The following MAPKAP1 variants were observed in gnomAD, a reference collection of about 807,000 sequenced individuals.
The protein encoded by MAPKAP1 is target of rapamycin complex 2 subunit MAPKAP1.
MAPKAP1 carries 20 observed loss-of-function variants against 65.7 expected under a neutral mutation model. The observed-to-expected ratio is 0.30, with a 90% CI of 0.21 to 0.44. The LOEUF is 0.44. Ranked by LOEUF, MAPKAP1 falls within the 20% of genes least tolerant of loss-of-function variation. The pLI is 1.00. For synonymous variants in MAPKAP1, 222 were observed against 244.3 expected (o/e 0.91, Z 0.85); for missense variants, 423 against 648.0 (o/e 0.65, Z 3.77).
At chr9:125,643,884 A>C (rs1833649796) in intron 4 of MAPKAP1, among the ~76,000 whole-genome samples, 1 of 152,232 alleles carries the variant, frequency 6.6e-6, no homozygotes, top group South Asian at 2.1e-4. Flanking sequence ...GTGAAAGGCA[A>C]ACAATTCTAT....
chr9:125,607,535 C>T lies in MAPKAP1; in HGVS notation c.499-21808G>A, dbSNP rs1034801039. Among the ~76,000 whole-genome samples the T allele has an allele frequency of 2.0e-5, 3 of 152,348 alleles. No individual in the cohort carries two copies. In the South Asian group the frequency reaches 6.2e-4, roughly 32 times the overall value. On this transcript the variant is annotated intron_variant, in intron 4 of 11. Coordinates refer to ENST00000265960, the MANE Select transcript of MAPKAP1 (RefSeq NM_001006617.3). ...AAATGAAGCAACATGCCCAAAGTTA[C>T]ACAGCTAGTGAAGCGAGGATGCTAA... is the stretch of plus-strand genomic sequence containing the variant.
intron 8 of MAPKAP1, among the ~76,000 whole-genome samples, chr9:125,493,381 A>T (rs1321007577): frequency 2.0e-5 from 3 of 152,232 alleles, no homozygotes; most frequent in African/African-American, 7.2e-5. Flanking sequence ...AAAGCATTAT[A>T]GCCCTTTATT....
At chr9:125,620,663 A>G (rs1250000756) in intron 4 of MAPKAP1, among the ~76,000 whole-genome samples, 1 of 152,250 alleles carries the variant, frequency 6.6e-6, no homozygotes, top group Non-Finnish European at 1.5e-5. Context: ...ACAATGGAAT[A>G]CTATGCAGCT....
intron 5 of MAPKAP1, among the ~76,000 whole-genome samples, chr9:125,583,801 C>T (rs574956633): frequency 2.0e-5 from 3 of 152,198 alleles, no homozygotes; most frequent in Admixed American, 6.5e-5. Context: ...CAGTGGCTCA[C>T]GCCTGTAATC....
intron 4 of MAPKAP1, among the ~76,000 whole-genome samples, chr9:125,599,141 TA>T (rs1832228363): frequency 6.6e-6 from 1 of 152,176 alleles, no homozygotes; most frequent in African/African-American, 2.4e-5. Context: ...ACTTTTTATC[TA>T]CTTTTATATC....
intron 4 of MAPKAP1, among the ~76,000 whole-genome samples, chr9:125,613,902 A>C (rs1057443756): frequency 2.6e-5 from 4 of 151,412 alleles, no homozygotes; most frequent in African/African-American, 9.7e-5. Flanking sequence ...GGTTCACGCC[A>C]TTCTCCTGCC....
intron 9 of MAPKAP1, among the ~76,000 whole-genome samples, chr9:125,474,715 A>C (rs1854041514): frequency 6.6e-6 from 1 of 152,174 alleles, no homozygotes; most frequent in African/African-American, 2.4e-5. Flanking sequence ...TTTGGCAAAA[A>C]TTAAGGCATT....
rs551929452 is a variant in MAPKAP1, at chr9:125,692,498, A to G, written c.-70+14473T>C. Among the ~76,000 whole-genome samples the G allele has an allele frequency of 4.6e-5, 7 of 152,344 alleles. No homozygotes were observed. In the South Asian group the frequency reaches 1.4e-3, roughly 32 times the overall value. On this transcript the variant is annotated intron_variant, in intron 1 of 11. Coordinates refer to ENST00000265960, the MANE Select transcript of MAPKAP1 (RefSeq NM_001006617.3). ...AATGGTTGCCAGCAGCAGGAGGAGG[A>G]AAAGTGGAGTGACTATTAATGAATA...
At chr9:125,554,903 C>T (rs910926101) in intron 6 of MAPKAP1, among the ~76,000 whole-genome samples, 3 of 149,824 alleles carry the variant, frequency 2.0e-5, no homozygotes, top group East Asian at 2.0e-4. Context: ...AAATAATGGA[C>T]GAGTAGTTAA....
At chr9:125,445,813 C>T (rs1055207464) in intron 10 of MAPKAP1, among the ~76,000 whole-genome samples, 5 of 152,234 alleles carry the variant, frequency 3.3e-5, no homozygotes, top group African/African-American at 1.2e-4. Flanking sequence ...ATTCTTCTTT[C>T]GCCTTAAGCT....
chr9:125,585,013 G>T (rs1831737975), intron 5 of MAPKAP1, among the ~76,000 whole-genome samples: 2 of 152,140 alleles, frequency 1.3e-5, no homozygotes, highest in African/African-American at 2.4e-5. Context: ...CGGACCAAAG[G>T]TTCTATAGAA....
At chr9:125,462,195 G>A (rs1278522238) in intron 10 of MAPKAP1, among the ~76,000 whole-genome samples, 3 of 152,184 alleles carry the variant, frequency 2.0e-5, no homozygotes, top group African/African-American at 4.8e-5. Context: ...GCGAGGATCC[G>A]ACGGATAAGC....
intron 1 of MAPKAP1, among the ~76,000 whole-genome samples, chr9:125,678,187 G>A (rs1301451011): frequency 6.6e-6 from 1 of 152,054 alleles, no homozygotes; most frequent in Non-Finnish European, 1.5e-5. Flanking sequence ...TAAAGTGTTG[G>A]GATTACAGGC....
intron 4 of MAPKAP1, among the ~76,000 whole-genome samples, chr9:125,653,086 T>TAAAC (rs1224991573): frequency 6.6e-6 from 1 of 152,220 alleles, no homozygotes; most frequent in African/African-American, 2.4e-5. Context: ...CACGTCCTGC[T>TAAAC]AAACACATCC....
chr9:125,635,867 C>T (rs1030969305), intron 4 of MAPKAP1, among the ~76,000 whole-genome samples: 3 of 152,164 alleles, frequency 2.0e-5, no homozygotes, highest in African/African-American at 7.2e-5. Context: ...GCAGTTTATT[C>T]ATGTCTGTAT....
At chr9:125,637,833 C>T (rs1056182872) in intron 4 of MAPKAP1, among the ~76,000 whole-genome samples, 2 of 152,178 alleles carry the variant, frequency 1.3e-5, no homozygotes, top group African/African-American at 4.8e-5. Flanking sequence ...AGTGCAGTGG[C>T]GCAGTCTCAG....
At chr9:125,659,250 C>T (rs1256164506) in intron 3 of MAPKAP1, among the ~76,000 whole-genome samples, 1 of 152,174 alleles carries the variant, frequency 6.6e-6, no homozygotes, top group Admixed American at 6.5e-5. Flanking sequence ...CTGGCACAGT[C>T]ACAGTCTTCA....
intron 10 of MAPKAP1, among the ~76,000 whole-genome samples, chr9:125,455,198 T>C (rs770725030): frequency 6.6e-6 from 1 of 152,246 alleles, no homozygotes; most frequent in Non-Finnish European, 1.5e-5. Context: ...AGTTAACTCA[T>C]TGATAAAATG....
chr9:125,601,996 G>A (rs12686529), intron 4 of MAPKAP1, among the ~76,000 whole-genome samples: 2,988 of 152,304 alleles, frequency 0.02, 162 homozygotes, highest in East Asian at 0.15. Flanking sequence ...GCTCACGCCT[G>A]TAATCCCAGC....
Sources: gnomAD v4.1 joint callset for allele counts (sites outside exome capture counted in the v4.1 genomes callset) on GRCh38, gnomAD v4.1.1 for gene constraint, MANE v1.5 for transcripts, NCBI Gene and HGNC (gene_info 2026-07-23, HGNC 2026-07-21) for gene names.